Variants in ZNF248 observed in about 807,000 individuals in gnomAD.
ZNF248 encodes KRAB protein domain.
ZNF248 carries 20 observed loss-of-function variants against 44.3 expected under a neutral mutation model. That is an observed-to-expected ratio of 0.45 (90% CI 0.32 to 0.66). The LOEUF is 0.66. Among genes scored for constraint, ZNF248 ranks in the 30% least tolerant of loss-of-function variants. The probability of loss-of-function intolerance (pLI) is 0.04; values close to 1 mark genes in which losing one functional copy is unlikely to be tolerated. For missense variants in ZNF248, 654 were observed against 677.0 expected, an observed-to-expected ratio of 0.97 and a Z score of 0.38; for synonymous variants, 224 against 229.0, an observed-to-expected ratio of 0.98 and a Z score of 0.20.
In ZNF248 at chr10:37,837,706, C is replaced by T. The variant is rs770554904; in HGVS notation, c.149G>A (p.Cys50Tyr). 9 of 1,613,820 alleles carry T rather than the reference C, an allele frequency of 5.6e-6. No individual in the cohort carries two copies. The South Asian group carries it at 8.8e-5, about 16-fold the overall frequency. Residue 50 changes from cysteine to tyrosine, a missense_variant, in exon 5 of 6, where the codon TGC (cysteine) becomes TAC (tyrosine). Physicochemically the swap from Cys to Tyr is radical, Grantham distance 194. Coordinates refer to ENST00000395867, the MANE Select transcript of ZNF248 (RefSeq NM_021045.3). The stretch of plus-strand genomic sequence containing the variant: ...AAAGATCACTTCTGGTTTAGTAATG[C>T]AATACCCTGTTAAGAGAAAATACCA... ...NYSNLVSVGY[C>Y]ITKPEVIFKI...
At chr10:37,820,154 C>G in intron 6 of ZNF248, 1 of 1,136,470 alleles carries the variant, frequency 8.8e-7, no homozygotes, top group Non-Finnish European at 1.3e-6. Flanking sequence ...ATTCTTCCCT[C>G]CTTCTTAAGT....
At chr10:37,779,144 A>G (rs2046975360) in intron 6 of ZNF248, among the ~76,000 whole-genome samples, 1 of 151,476 alleles carries the variant, frequency 6.6e-6, no homozygotes, top group Non-Finnish European at 1.5e-5. Flanking sequence ...AAAAGAGGGA[A>G]TCCTCCCTAA....
chr10:37,773,988 T>TACACACACACACACAC (rs139568981), downstream of ZNF248, among the ~76,000 whole-genome samples: 80 of 149,254 alleles, frequency 5.4e-4, no homozygotes, highest in Admixed American at 1.6e-3. Flanking sequence ...TGAAAATGAA[T>TACACACACACACACAC]ACACACACAC....
chr10:37,800,766 CTTTTTTTT>C (rs60341570), intron 6 of ZNF248, among the ~76,000 whole-genome samples: 1 of 144,900 alleles, frequency 6.9e-6, no homozygotes, highest in Non-Finnish European at 1.5e-5. Context: ...AACATTTTTT[CTTTTTTTT>C]TTTTTGAGAT....
At chr10:37,845,673 A>G (rs2059208127) in intron 3 of ZNF248, among the ~76,000 whole-genome samples, 1 of 152,190 alleles carries the variant, frequency 6.6e-6, no homozygotes, top group Non-Finnish European at 1.5e-5. Context: ...AATTTTCATG[A>G]AAAGGAAAAA....
intron 6 of ZNF248, among the ~76,000 whole-genome samples, chr10:37,816,006 AG>A (rs1490005909): frequency 2.3e-4 from 25 of 108,094 alleles, no homozygotes; most frequent in Middle Eastern, 5.4e-3. Flanking sequence ...AAAAAAAAAA[AG>A]AGAGAGAGAG....
At chr10:37,780,272 A>G (rs1005670934) in intron 6 of ZNF248, among the ~76,000 whole-genome samples, 1 of 152,184 alleles carries the variant, frequency 6.6e-6, no homozygotes, top group African/African-American at 2.4e-5. Flanking sequence ...ACTATACTAC[A>G]AGGCTACAGT....
At chr10:37,856,039 A>G (rs1288130260) in intron 3 of ZNF248, among the ~76,000 whole-genome samples, 1 of 152,202 alleles carries the variant, frequency 6.6e-6, no homozygotes, top group African/African-American at 2.4e-5. Flanking sequence ...ATACTTATAG[A>G]CAATTTACTG....
chr10:37,832,302 A>T lies in ZNF248; in HGVS notation c.1053T>A (p.Ser351=). 1 of 1,614,020 alleles carries T rather than the reference A, an allele frequency of 6.2e-7. No homozygotes were observed. The highest frequency in any genetic ancestry group is 8.5e-7 in the Non-Finnish European group (1 of 1,179,960). ...TACTCCCATTTTCATTGTAATCATA[A>T]GACTTTCCCCCCATGTGTACTATTT... The part of the protein sequence containing the change: ...KHQIVHMGGK[S]YDYNENGSNF... Residue 351 remains serine (S), a synonymous_variant, in exon 6 of 6, where the codon TCT becomes TCA. Transcript: ENST00000395867.
intron 6 of ZNF248, among the ~76,000 whole-genome samples, chr10:37,790,016 CTT>C (rs2048311411): frequency 6.6e-6 from 1 of 151,286 alleles, no homozygotes; most frequent in South Asian, 2.1e-4. Flanking sequence ...AATCCCAACA[CTT>C]TGGGAGGCTG....
chr10:37,784,823 A>G (rs924746592), intron 6 of ZNF248, among the ~76,000 whole-genome samples: 1 of 152,208 alleles, frequency 6.6e-6, no homozygotes, highest in Non-Finnish European at 1.5e-5. Flanking sequence ...CCTTGGTAAG[A>G]TAAGTGTTTG....
chr10:37,762,615 T>C, the ZNF248 span, among the ~76,000 whole-genome samples: 1 of 152,130 alleles, frequency 6.6e-6, no homozygotes, highest in Non-Finnish European at 1.5e-5. Flanking sequence ...GCCTGGAAGG[T>C]TAAAGTATTT....
rs1045830838 is a variant in ZNF248 at position 37,776,976 on chromosome 10, T to C, written c.331-401A>G. Among the ~76,000 whole-genome samples the C allele has an allele frequency of 1.8e-4, 28 of 152,164 alleles. 1 individual carries two copies. Among genetic ancestry groups the C allele is most frequent in the African/African-American group, 6.8e-4 (28 of 41,434 alleles). ...GAGCTAATGAGAAGAAAAAAGTATT[T>C]TCAAAATACCTTATCAGCTGAGGTT... On this transcript the variant is annotated intron_variant, in intron 6 of 6. Transcript: ENST00000615949.
chr10:37,797,399 G>A (rs1392786135), intron 6 of ZNF248, among the ~76,000 whole-genome samples: 1 of 151,918 alleles, frequency 6.6e-6, no homozygotes, highest in East Asian at 1.9e-4. Context: ...ATTAGGTAGT[G>A]GTTTCTTAGA....
downstream of ZNF248, among the ~76,000 whole-genome samples, chr10:37,773,635 C>T (rs1423648545): frequency 6.6e-6 from 1 of 152,146 alleles, no homozygotes; most frequent in East Asian, 1.9e-4. Context: ...TCTTCTGAGG[C>T]CCCTCTCCTT....
At chr10:37,834,509 C>T (rs1475993484) in intron 5 of ZNF248, among the ~76,000 whole-genome samples, 1 of 152,140 alleles carries the variant, frequency 6.6e-6, no homozygotes, top group Non-Finnish European at 1.5e-5. Flanking sequence ...AATCTGGCTA[C>T]ACAGATAATC....
chr10:37,798,504 T>A (rs2049410739), intron 6 of ZNF248, among the ~76,000 whole-genome samples: 1 of 152,312 alleles, frequency 6.6e-6, no homozygotes, highest in African/African-American at 2.4e-5. Flanking sequence ...ATCTCCAGTA[T>A]ATACTGTTAT....
chr10:37,819,493 A>C, intron 6 of ZNF248: 1 of 1,335,792 alleles, frequency 7.5e-7, no homozygotes, highest in East Asian at 2.3e-5. Flanking sequence ...ATGCCTTGTA[A>C]ACTTTACTGA....
chr10:37,793,005 A>T (rs1156250094), intron 6 of ZNF248, among the ~76,000 whole-genome samples: 1 of 152,182 alleles, frequency 6.6e-6, no homozygotes, highest in Non-Finnish European at 1.5e-5. Context: ...TGAAAGGTGT[A>T]CGAGAAATCT....
Sources: allele counts gnomAD v4.1 joint callset (sites outside exome capture counted in the v4.1 genomes callset), GRCh38; gene constraint gnomAD v4.1.1; transcripts MANE v1.5; gene names NCBI Gene and HGNC (gene_info 2026-07-23, HGNC 2026-07-21).